MROH7: variants seen among roughly 807,000 people sequenced by gnomAD.
MROH7 encodes the protein maestro heat-like repeat-containing protein family member 7.
A neutral mutation model predicts 129.2 loss-of-function variants in MROH7; 113 were observed. The ratio of observed to expected loss-of-function variants is 0.87; its 90% CI spans 0.75 to 1.02. The LOEUF (loss-of-function observed/expected upper bound fraction) is 1.02. Ranked by LOEUF, MROH7 falls within the 50% of genes least tolerant of loss-of-function variation. MROH7 has a pLI of 0.00. For missense variants in MROH7, 1,601 were observed against 1,671.3 expected (o/e 0.96, Z 0.73); for synonymous variants, 655 against 667.9 (o/e 0.98, Z 0.30).
chr1:54,680,867 A>G (rs1018860659), intron 13 of MROH7, among the ~76,000 whole-genome samples: 1 of 152,266 alleles, frequency 6.6e-6, no homozygotes, highest in African/African-American at 2.4e-5. Context: ...AAGATCAGTC[A>G]GGATGGTGAG....
chr1:54,648,059 A>T (rs562906187), intron 1 of MROH7, among the ~76,000 whole-genome samples: 1 of 152,014 alleles, frequency 6.6e-6, no homozygotes, highest in African/African-American at 2.4e-5. Context: ...TTTTATTGTT[A>T]TTATTTTTGA....
rs755118892 is a variant in MROH7, at chr1:54,692,483, C to T, written c.2771C>T (p.Thr924Met). The T allele has an allele frequency of 1.7e-5, 28 of 1,613,460 alleles. No homozygotes were observed. The highest frequency in any genetic ancestry group is 6.7e-5 in the East Asian group (3 of 44,808). Residue 924 changes from threonine (T) to methionine (M), a missense_variant, in exon 16 of 24, where the codon ACG (threonine) becomes ATG (methionine). Physicochemically the swap from Thr to Met is moderately conservative, Grantham distance 81 (BLOSUM62 -1). Coordinates refer to ENST00000421030, the MANE Select transcript of MROH7 (RefSeq NM_001039464.4). ...LLRMGCSYETTFLEDQGGWEL... is the reference protein window; with the variant it reads ...LLRMGCSYETMFLEDQGGWEL... Reference sequence around the variant, plus strand: ...AGGATGGGCTGCTCTTATGAGACCACGTTTCTGGAGGACCAGGGTGGCTGG... The same window carrying T: ...AGGATGGGCTGCTCTTATGAGACCATGTTTCTGGAGGACCAGGGTGGCTGG...
chr1:54,688,880 C>T (rs1320846206), intron 15 of MROH7, among the ~76,000 whole-genome samples: 2 of 152,184 alleles, frequency 1.3e-5, no homozygotes, highest in East Asian at 1.9e-4. Flanking sequence ...AAGGTATGAC[C>T]TGCCAATGCA....
At chr1:54,687,150 T>G (rs772868748) in intron 15 of MROH7, among the ~76,000 whole-genome samples, 6 of 152,126 alleles carry the variant, frequency 3.9e-5, no homozygotes, top group Non-Finnish European at 8.8e-5. Context: ...CTCAGCTCAC[T>G]GCAACCTCCG....
At chr1:54,678,684 T>C (rs1429968859) in intron 10 of MROH7, 58 bp from the exon 11 acceptor site, 3 of 1,201,448 alleles carry the variant, frequency 2.5e-6, no homozygotes, top group South Asian at 1.2e-5. Flanking sequence ...ACTTCCTACA[T>C]GTATGTTTAA....
At chr1:54,668,765 G>A (rs926511430) in intron 4 of MROH7, 89 bp from the exon 5 acceptor site, 46 of 868,996 alleles carry the variant, frequency 5.3e-5, no homozygotes, top group African/African-American at 3.5e-4. Flanking sequence ...TGTAGGTGTC[G>A]GGTGGTTAAC....
chr1:54,697,875 G>A, intron 17 of MROH7: 1 of 507,892 alleles, frequency 2.0e-6, no homozygotes, highest in South Asian at 3.5e-5. Context: ...AGACCTTATG[G>A]GGCATTCCTG....
intron 7 of MROH7, among the ~76,000 whole-genome samples, 174 bp downstream of exon 7, chr1:54,671,103 C>T (rs773649281): frequency 6.6e-6 from 1 of 152,090 alleles, no homozygotes; most frequent in Non-Finnish European, 1.5e-5. Context: ...AATAAAGACA[C>T]CCAGCTGGGC....
At chr1:54,673,915 G>A (rs1432165759) in intron 9 of MROH7, 101 bp from the exon 10 acceptor site, 4 of 1,532,200 alleles carry the variant, frequency 2.6e-6, no homozygotes, top group Non-Finnish European at 3.6e-6. Context: ...ATCTTCAGAG[G>A]GCTGTGCTAT....
At chr1:54,708,490 G>A (rs981681081) in intron 22 of MROH7, among the ~76,000 whole-genome samples, 2 of 152,128 alleles carry the variant, frequency 1.3e-5, no homozygotes, top group African/African-American at 4.8e-5. Context: ...TTAAGGACCT[G>A]CAAATACTGC....
At chr1:54,686,669 G>A (rs1431568385) in intron 15 of MROH7, among the ~76,000 whole-genome samples, 1 of 152,210 alleles carries the variant, frequency 6.6e-6, no homozygotes, top group Non-Finnish European at 1.5e-5. Flanking sequence ...CTAGATCACA[G>A]GAAAGAATCA....
intron 19 of MROH7, 68 bp from the exon 20 acceptor site, chr1:54,702,022 C>T (rs1645445005): frequency 2.2e-6 from 3 of 1,363,064 alleles, no homozygotes; most frequent in Non-Finnish European, 3.0e-6. Flanking sequence ...GGAACAATGG[C>T]TCTGAATCAG....
At chr1:54,650,823 A>C (rs934001769) in intron 1 of MROH7, among the ~76,000 whole-genome samples, 2 of 151,810 alleles carry the variant, frequency 1.3e-5, no homozygotes, top group African/African-American at 4.8e-5. Context: ...TCCTGGGCTC[A>C]AGTGATCCTC....
At position 54,690,985 on chromosome 1, in the gene MROH7, C is replaced by T. The variant is rs78134965; in HGVS notation, c.2712-1439C>T. On this transcript the variant is annotated intron_variant, in intron 15 of 23. Coordinates refer to ENST00000421030, the MANE Select transcript of MROH7 (RefSeq NM_001039464.4). ...GAGGAGCATATGCAGGAGGCTCATT[C>T]TGTCTTAGGTAAAGGTGCTAGTGCC... Among the ~76,000 whole-genome samples, 14 of 152,298 alleles carry T rather than the reference C, an allele frequency of 9.2e-5. No individual in the cohort carries two copies. The East Asian group carries it at 2.7e-3, about 29-fold the overall frequency.
chr1:54,706,371 A>T, intron 21 of MROH7, 64 bp from the exon 22 acceptor site: 1 of 1,212,086 alleles, frequency 8.3e-7, no homozygotes, highest in Admixed American at 1.8e-5. Flanking sequence ...TAGCTTCAAG[A>T]AGGGTGGATG....
rs77834712 is a variant in MROH7, at chr1:54,694,881, C to T, written c.2850-495C>T. Reference sequence around the variant, plus strand: ...ACGAGGCAGCTGGAATGTGAGCCCTCGGTTGGGGCTCCAGCTCGGCCATTT... The same window carrying T: ...ACGAGGCAGCTGGAATGTGAGCCCTTGGTTGGGGCTCCAGCTCGGCCATTT... On this transcript the variant is annotated intron_variant, in intron 16 of 23. Coordinates refer to ENST00000421030, the MANE Select transcript of MROH7 (RefSeq NM_001039464.4). 9.3e-3 allele frequency among the ~76,000 whole-genome samples: 1,415 copies of T among 152,334 alleles called. 12 individuals are homozygous for T. The highest frequency in any genetic ancestry group is 0.014 in the African/African-American group (575 of 41,582).
intron 4 of MROH7, 72 bp from the exon 5 acceptor site, chr1:54,668,782 G>A: frequency 1.7e-6 from 2 of 1,210,104 alleles, no homozygotes; most frequent in South Asian, 1.2e-5. Flanking sequence ...TAACAGTGCT[G>A]TATGGGCAAC....
chr1:54,695,499 G>T lies in MROH7; in HGVS notation c.2964+9G>T. ...CCGCCTTCTTCGTGGAGGTACCAAC[G>T]GGGGCAGCGGGTACACAGCGGGAGC... On this transcript the variant is annotated intron_variant, in intron 17 of 23. Coordinates refer to ENST00000421030, the MANE Select transcript of MROH7 (RefSeq NM_001039464.4). 6.3e-7 allele frequency: 1 copy of T among 1,591,746 alleles called. No homozygotes were observed. Among genetic ancestry groups the T allele is most frequent in the East Asian group, 2.2e-5 (1 of 44,536 alleles).
chr1:54,686,293 C>T lies in MROH7; in HGVS notation c.2556C>T (p.Asn852=). The T allele has an allele frequency of 1.2e-6, 2 of 1,614,058 alleles. No homozygotes were observed. The highest frequency in any genetic ancestry group is 1.7e-6 in the Non-Finnish European group (2 of 1,179,968). ...ASGLCELLSV[N]SCMGRVRRIY... Reference sequence around the variant, plus strand: ...GCCTGTGCGAGCTCCTGTCCGTCAACAGCTGCATGGGCCGTGTGAGGCGCA... The same window carrying T: ...GCCTGTGCGAGCTCCTGTCCGTCAATAGCTGCATGGGCCGTGTGAGGCGCA... The change falls in exon 15 of 24, where the codon AAC becomes AAT. Residue 852 remains asparagine, a synonymous_variant. Coordinates refer to ENST00000421030, the MANE Select transcript of MROH7 (RefSeq NM_001039464.4).
Sources: allele counts gnomAD v4.1 joint callset (sites outside exome capture counted in the v4.1 genomes callset), GRCh38; gene constraint gnomAD v4.1.1; transcripts MANE v1.5; gene names NCBI Gene and HGNC (gene_info 2026-07-23, HGNC 2026-07-21).